The following EDAR variants were observed in gnomAD, a reference collection of about 807,000 sequenced individuals.
The protein encoded by EDAR is tumor necrosis factor receptor superfamily member EDAR.
In EDAR, 38 loss-of-function variants were observed where a neutral mutation model predicts 51.3. That is an observed-to-expected ratio of 0.74 (90% CI 0.57 to 0.97). EDAR has a LOEUF of 0.97. Among genes scored for constraint, EDAR ranks in the 50% least tolerant of loss-of-function variants. EDAR has a pLI of 0.00. For missense variants in EDAR, 528 were observed against 595.0 expected (o/e 0.89, Z 1.17); for synonymous variants, 227 against 242.1 (o/e 0.94, Z 0.58).
At chr2:108,953,572 T>C (rs569980436) in intron 1 of EDAR, among the ~76,000 whole-genome samples, 1 of 152,298 alleles carries the variant, frequency 6.6e-6, no homozygotes, top group Non-Finnish European at 1.5e-5. Flanking sequence ...CAGTTGCAGT[T>C]ACCTCCCATA....
chr2:108,952,546 T>C (rs1464831237), intron 1 of EDAR, among the ~76,000 whole-genome samples: 1 of 152,250 alleles, frequency 6.6e-6, no homozygotes, highest in South Asian at 2.1e-4. Flanking sequence ...TACTTTTCAC[T>C]TCTAGGATTT....
chr2:108,956,851 C>T (rs1252098716), intron 1 of EDAR, among the ~76,000 whole-genome samples: 11 of 151,874 alleles, frequency 7.2e-5, no homozygotes, highest in African/African-American at 2.4e-4. Context: ...TGCAATGGCA[C>T]GATCTCAGCA....
chr2:108,937,030 G>C (rs1697484465), intron 1 of EDAR, among the ~76,000 whole-genome samples: 1 of 152,226 alleles, frequency 6.6e-6, no homozygotes, highest in Non-Finnish European at 1.5e-5. Context: ...GCTGTGCCGG[G>C]GAACAGACAC....
rs1419877151 is a variant in EDAR at position 108,895,902 on chromosome 2, T to C, written c.*1005A>G. The C allele has an allele frequency of 1.3e-5, 2 of 152,226 alleles. No individual in the cohort carries two copies. The highest frequency in any genetic ancestry group is 4.8e-5 in the African/African-American group (2 of 41,460). 9.4% of individuals were successfully genotyped at this position (152,226 alleles called of 1,614,324 possible). A position where few individuals can be genotyped will look rare whatever the true frequency, so the allele number is the denominator to read the frequency against. On this transcript the variant is annotated 3_prime_UTR_variant, in exon 12 of 12. Coordinates refer to ENST00000258443, the MANE Select transcript of EDAR (RefSeq NM_022336.4). ...TCTTAGATGCTCTTGAAATCTAGAATTATGCGTGGCTGAACTCTTAGGAAG... is the reference window on the plus strand; with the variant it reads ...TCTTAGATGCTCTTGAAATCTAGAACTATGCGTGGCTGAACTCTTAGGAAG...
chr2:108,969,042 C>T (rs189441303), intron 1 of EDAR, among the ~76,000 whole-genome samples: 17 of 152,282 alleles, frequency 1.1e-4, no homozygotes, highest in Non-Finnish European at 2.1e-4. Context: ...CAAGGGATCC[C>T]TCATTAAGGA....
chr2:108,922,415 C>T (rs575597934), intron 5 of EDAR, among the ~76,000 whole-genome samples: 1 of 152,352 alleles, frequency 6.6e-6, no homozygotes, highest in Admixed American at 6.5e-5. Flanking sequence ...TGAAGACGAG[C>T]AAACACATTG....
intron 5 of EDAR, among the ~76,000 whole-genome samples, chr2:108,914,530 T>A (rs1696991920): frequency 6.6e-6 from 1 of 152,204 alleles, no homozygotes; most frequent in Admixed American, 6.5e-5. Context: ...GGAAGCTGAT[T>A]TTGCTCTCAG....
At chr2:108,940,522 C>A (rs1018639676) in intron 1 of EDAR, among the ~76,000 whole-genome samples, 2 of 152,362 alleles carry the variant, frequency 1.3e-5, no homozygotes, top group African/African-American at 4.8e-5. Context: ...GTACTCTGGG[C>A]TCCCCTGGGC....
intron 9 of EDAR, 95 bp from the exon 10 acceptor site, chr2:108,908,114 G>A (rs1322404662): frequency 1.5e-6 from 2 of 1,357,134 alleles, no homozygotes; most frequent in Non-Finnish European, 2.0e-6. Context: ...GCCCAGCTGT[G>A]GACAGTGGGG....
At chr2:108,943,005 G>A (rs573185007) in intron 1 of EDAR, among the ~76,000 whole-genome samples, 1 of 152,228 alleles carries the variant, frequency 6.6e-6, no homozygotes, top group African/African-American at 2.4e-5. Flanking sequence ...GCGTTTCACC[G>A]GGCAGGTGAC....
intron 1 of EDAR, among the ~76,000 whole-genome samples, chr2:108,977,942 A>G (rs1384972555): frequency 6.6e-6 from 1 of 152,244 alleles, no homozygotes; most frequent in Non-Finnish European, 1.5e-5. Context: ...TATAGGCAGG[A>G]TCTATGGACT....
At chr2:108,908,780 G>T (rs1696859943) in intron 9 of EDAR, among the ~76,000 whole-genome samples, 1 of 152,170 alleles carries the variant, frequency 6.6e-6, no homozygotes, top group African/African-American at 2.4e-5. Flanking sequence ...TTTGGCTGAA[G>T]ACCTTTTTTT....
chr2:108,910,875 A>G (rs763155082), intron 7 of EDAR, 25 bp from the exon 8 acceptor site: 2 of 1,614,084 alleles, frequency 1.2e-6, no homozygotes, highest in South Asian at 1.1e-5. Flanking sequence ...GGGAGTGAGC[A>G]GCCAGGCTCT....
At chr2:108,931,808 G>A (rs72937961) in intron 1 of EDAR, among the ~76,000 whole-genome samples, 1,701 of 152,156 alleles carry the variant, frequency 0.011, 35 homozygotes, top group African/African-American at 0.038. Flanking sequence ...GGTAGTCTGG[G>A]TATTAATTAG....
Position 108,943,160 on chromosome 2 carries a change from G to T in EDAR, c.-18-12128C>A, listed in dbSNP as rs1463056637. Reference sequence around the variant, plus strand: ...GTCAAACTCAGGGTCTTGTTCTACCGGTTTGAAAGAGAATTCGTTTCTTCG... The same window carrying T: ...GTCAAACTCAGGGTCTTGTTCTACCTGTTTGAAAGAGAATTCGTTTCTTCG... On this transcript the variant is annotated intron_variant, in intron 1 of 11. Coordinates refer to ENST00000258443, the MANE Select transcript of EDAR (RefSeq NM_022336.4). Among the ~76,000 whole-genome samples, 3 of 152,092 alleles carry T rather than the reference G, an allele frequency of 2.0e-5. No individual in the cohort carries two copies. In the South Asian group the frequency reaches 6.2e-4, roughly 32 times the overall value.
At chr2:108,900,089 A>G (rs1696671007) in intron 11 of EDAR, among the ~76,000 whole-genome samples, 2 of 152,238 alleles carry the variant, frequency 1.3e-5, no homozygotes, top group South Asian at 4.1e-4. Context: ...TAAAATCAAA[A>G]TGTATCACTC....
intron 1 of EDAR, among the ~76,000 whole-genome samples, chr2:108,971,247 C>T (rs539128061): frequency 4.9e-4 from 74 of 152,214 alleles, no homozygotes; most frequent in African/African-American, 1.4e-3. Context: ...TATATTTCTG[C>T]GCCTTTCTTC....
In EDAR at chr2:108,894,498, A is replaced by AAAAT. The variant is rs1696541224; in HGVS notation, c.*2405_*2408dup. ...TTATTAATGTGTTTATTGAGATTAT[A>AAAAT]AAATATAATAAGTTATATATATACA... On this transcript the variant is annotated 3_prime_UTR_variant, in exon 12 of 12. Coordinates refer to ENST00000258443, the MANE Select transcript of EDAR (RefSeq NM_022336.4). 1 of 152,602 alleles carries AAAAT rather than the reference A, an allele frequency of 6.6e-6. No individual in the cohort carries two copies. Among genetic ancestry groups the AAAAT allele is most frequent in the East Asian group, 1.9e-4 (1 of 5,198 alleles). 9.5% of individuals were successfully genotyped at this position (152,602 alleles called of 1,614,324 possible). A position where few individuals can be genotyped will look rare whatever the true frequency, so the allele number is the denominator to read the frequency against.
At chr2:108,962,964 G>A (rs559111288) in intron 1 of EDAR, among the ~76,000 whole-genome samples, 2 of 152,206 alleles carry the variant, frequency 1.3e-5, no homozygotes, top group Non-Finnish European at 2.9e-5. Flanking sequence ...GCCAAGGACA[G>A]GAGGGCTCAC....
Sources: allele counts gnomAD v4.1 joint callset (sites outside exome capture counted in the v4.1 genomes callset), GRCh38; gene constraint gnomAD v4.1.1; transcripts MANE v1.5; gene names NCBI Gene and HGNC (gene_info 2026-07-23, HGNC 2026-07-21).